Variants in ZNF350 observed in about 807,000 individuals in gnomAD.
ZNF350 encodes the protein zinc finger protein 350, also known as KRAB zinc finger protein ZFQR.
Under a neutral mutation model 13.1 loss-of-function variants are expected in ZNF350, and 5 were observed. That is an observed-to-expected ratio of 0.38 (90% CI 0.20 to 0.80). The LOEUF (loss-of-function observed/expected upper bound fraction) is 0.80, where lower values mean the gene tolerates loss of function less well. Ranked by LOEUF, ZNF350 falls within the 30% of genes least tolerant of loss-of-function variation. The pLI is 0.43. For missense variants in ZNF350, 534 were observed against 644.2 expected (o/e 0.83, Z 1.85); for synonymous variants, 199 against 224.2 (o/e 0.89, Z 1.00).
chr19:51,968,711 A>G, intron 3 of ZNF350, 38 bp from the exon 4 acceptor site: 1 of 1,592,654 alleles, frequency 6.3e-7, no homozygotes, highest in Non-Finnish European at 8.6e-7. Flanking sequence ...AGACATATCA[A>G]ATTGGGCTGG....
Position 51,964,893 on chromosome 19 carries a change from C to T in ZNF350, c.1560G>A (p.Val520=), listed in dbSNP as rs1325581021. Residue 520 remains valine, a synonymous_variant, in exon 5 of 5, where the codon GTG becomes GTA. Coordinates refer to ENST00000243644, the MANE Select transcript of ZNF350 (RefSeq NM_021632.4). ...TAACATAAAATAAGACATAATTGAT[C>T]ACGGAAGGCACAACCACATTCACTG... is the stretch of plus-strand genomic sequence containing the variant. ...VNAVNVVVPS[V]INYVLFYVTE... is the part of the protein sequence containing the mutation. 6.2e-7 allele frequency: 1 copy of T among 1,612,876 alleles called. No individual in the cohort carries two copies.
In ZNF350 at chr19:51,974,398, GGTCT is replaced by G. The variant is rs781399080; in HGVS notation, c.-42_-39del. 1.2e-6 allele frequency: 2 copies of G among 1,612,560 alleles called. No homozygotes were observed. The highest frequency in any genetic ancestry group is 1.7e-6 in the Non-Finnish European group (2 of 1,179,064). On this transcript the variant is annotated 5_prime_UTR_variant, in exon 2 of 5. Coordinates refer to ENST00000243644, the MANE Select transcript of ZNF350 (RefSeq NM_021632.4). ...TTGGAAGACAGCATTCAACTGGGAT[GGTCT>G]GTCTTTGTATCTTCTGGCCTTCTCT...
Position 51,965,363 on chromosome 19 carries a change from G to A in ZNF350, c.1090C>T (p.His364Tyr). 3 of 1,614,100 alleles carry A rather than the reference G, an allele frequency of 1.9e-6. No individual in the cohort carries two copies. Among genetic ancestry groups the A allele is most frequent in the Non-Finnish European group, 2.5e-6 (3 of 1,179,982 alleles). ...TTCTCTCCTGTGTGAATTCTTTGAT[G>A]TTTAATGAGACCTGATTTCTGAGAA... is the stretch of plus-strand genomic sequence containing the variant. ...SCSQKSGLIK[H>Y]QRIHTGEKPF... The change falls in exon 5 of 5, where the codon CAT becomes TAT. Residue 364 changes from histidine to tyrosine, a missense_variant. His to Tyr is a moderately conservative substitution (Grantham distance 83). Transcript: ENST00000243644.
Position 51,976,380 on chromosome 19 carries a change from A to C in ZNF350, c.-171-1849T>G, listed in dbSNP as rs2082438. On this transcript the variant is annotated intron_variant, in intron 1 of 4. Transcript: ENST00000243644. This position sits in a 1 kb window ranked among gnomAD's most constrained non-coding sequence, Gnocchi z 4.5. ...TCATCTTTATTCCCGTGTTCACCCC[A>C]CTTTGTTTAGTCCACCTAGGTCCGT... 58,577 of 151,990 alleles carry C rather than the reference A, an allele frequency of 0.39. 13,311 individuals carry two copies. The highest frequency in any genetic ancestry group is 0.63 in the African/African-American group (26,163 of 41,400). 9.4% of individuals were successfully genotyped at this position (151,990 alleles called of 1,614,324 possible). A position where few individuals can be genotyped will look rare whatever the true frequency, so the allele number is the denominator to read the frequency against.
intron 2 of ZNF350, among the ~76,000 whole-genome samples, chr19:51,970,042 GAC>G (rs1303230230): frequency 6.8e-6 from 1 of 147,498 alleles, no homozygotes; most frequent in Non-Finnish European, 1.5e-5. Context: ...ACAGGCATGT[GAC>G]ACTACGCCTG....
At position 51,965,584 on chromosome 19, in the gene ZNF350, T is replaced by C. The variant is rs990168895; in HGVS notation, c.869A>G (p.Tyr290Cys). The C allele has an allele frequency of 1.9e-6, 3 of 1,614,130 alleles. No homozygotes were observed. Among genetic ancestry groups the C allele is most frequent in the Admixed American group, 1.7e-5 (1 of 60,014 alleles). Residue 290 changes from tyrosine to cysteine, a missense_variant, in exon 5 of 5, where the codon TAT becomes TGT. By Grantham distance (194) the Tyr-to-Cys change is radical. Coordinates refer to ENST00000243644, the MANE Select transcript of ZNF350 (RefSeq NM_021632.4). ...HQKTHTGEKP[Y>C]ICSECGKGFI... is the part of the protein sequence containing the mutation. Reference sequence around the variant, plus strand: ...GCCTTTTCCACATTCACTGCATATATAGGGTTTCTCTCCGGTATGTGTTTT... The same window carrying C: ...GCCTTTTCCACATTCACTGCATATACAGGGTTTCTCTCCGGTATGTGTTTT...
In ZNF350 at chr19:51,983,586, G is replaced by T. The variant is rs1377724732; in HGVS notation, c.-172+3184C>A. Among the ~76,000 whole-genome samples the T allele has an allele frequency of 3.3e-5, 5 of 152,166 alleles. No homozygotes were observed. In the South Asian group the frequency reaches 6.2e-4, roughly 19 times the overall value. On this transcript the variant is annotated intron_variant, in intron 1 of 4. Coordinates refer to ENST00000243644, the MANE Select transcript of ZNF350 (RefSeq NM_021632.4). Reference sequence around the variant, plus strand: ...GCAATACTACTCTTTACTACACTAAGATGTCTGTGTAAAGTCAAACATAAA... The same window carrying T: ...GCAATACTACTCTTTACTACACTAATATGTCTGTGTAAAGTCAAACATAAA...
rs8103682 is a variant in ZNF350, at chr19:51,976,784, C to G, written c.-171-2253G>C. 0.45 allele frequency: 69,037 copies of G among 152,130 alleles called. 20,628 individuals are homozygous for G. The highest frequency in any genetic ancestry group is 0.85 in the African/African-American group (35,372 of 41,518). The allele number at this position is 152,130 out of a possible 1,614,324, so 9.4% of individuals were successfully genotyped here. A position where few individuals can be genotyped will look rare whatever the true frequency, so the allele number is the denominator to read the frequency against. The stretch of plus-strand genomic sequence containing the variant: ...CAAAAGGTTATTACACATAACCCAT[C>G]GTTTCCACAGGCAGGCACTCTTGAT... On this transcript the variant is annotated intron_variant, in intron 1 of 4. Transcript: ENST00000243644. This position sits in a 1 kb window ranked among gnomAD's most constrained non-coding sequence, Gnocchi z 4.5.
chr19:51,970,952 A>T (rs1012505480), intron 2 of ZNF350, among the ~76,000 whole-genome samples: 3 of 152,272 alleles, frequency 2.0e-5, no homozygotes, highest in African/African-American at 7.2e-5. Context: ...GGAACAATAA[A>T]TGTAAGGTCC....
chr19:51,966,010 C>T lies in ZNF350; in HGVS notation c.443G>A (p.Gly148Asp). 1 of 1,614,062 alleles carries T rather than the reference C, an allele frequency of 6.2e-7. No homozygotes were observed. The highest frequency in any genetic ancestry group is 1.6e-4 in the Middle Eastern group (1 of 6,062). ...SNLTLVNQSK[G>D]YEIKNSVEFT... ...CTCAACAGAGTTCTTTATTTCATAG[C>T]CTTTGCTCTGGTTAACTAAAGTTAA... is the stretch of plus-strand genomic sequence containing the variant. Residue 148 changes from glycine (G) to aspartate (D), a missense_variant, in exon 5 of 5, where the codon GGC becomes GAC. Coordinates refer to ENST00000243644, the MANE Select transcript of ZNF350 (RefSeq NM_021632.4).
At chr19:51,980,001 C>T (rs536657612) in intron 1 of ZNF350, among the ~76,000 whole-genome samples, 1 of 152,290 alleles carries the variant, frequency 6.6e-6, no homozygotes, top group Admixed American at 6.5e-5. Context: ...TGAATGGCAA[C>T]ATCTGGATTG....
chr19:51,975,919 A>G (rs1469122124), intron 1 of ZNF350, among the ~76,000 whole-genome samples: 1 of 152,218 alleles, frequency 6.6e-6, no homozygotes, highest in Non-Finnish European at 1.5e-5. Flanking sequence ...TGACCAACTC[A>G]GCATTCCACT....
At chr19:51,979,780 G>A (rs2085989126) in intron 1 of ZNF350, among the ~76,000 whole-genome samples, 1 of 152,184 alleles carries the variant, frequency 6.6e-6, no homozygotes. Flanking sequence ...AGATGGAAAA[G>A]GTGAAAGTCA....
chr19:51,968,744 T>TA, intron 3 of ZNF350, 71 bp from the exon 4 acceptor site: 2 of 1,511,970 alleles, frequency 1.3e-6, no homozygotes, highest in East Asian at 4.5e-5. Context: ...GGAAGAATGT[T>TA]ACATTTCAAG....
At position 51,966,021 on chromosome 19, in the gene ZNF350, G is replaced by A. The variant is rs772375825; in HGVS notation, c.432C>T (p.Asn144=). 1.2e-6 allele frequency: 2 copies of A among 1,613,864 alleles called. No individual in the cohort carries two copies. Among genetic ancestry groups the A allele is most frequent in the Non-Finnish European group, 1.7e-6 (2 of 1,179,996 alleles). Reference sequence around the variant, plus strand: ...TCTTTATTTCATAGCCTTTGCTCTGGTTAACTAAAGTTAAATTGGATTTCA... The same window carrying A: ...TCTTTATTTCATAGCCTTTGCTCTGATTAACTAAAGTTAAATTGGATTTCA... ...KSLKSNLTLV[N]QSKGYEIKNS... The change falls in exon 5 of 5, where the codon AAC becomes AAT. Residue 144 remains asparagine (N), a synonymous_variant. Transcript: ENST00000243644.
chr19:51,968,638 A>C lies in ZNF350; in HGVS notation c.178T>G (p.Leu60Val). 1 of 1,614,072 alleles carries C rather than the reference A, an allele frequency of 6.2e-7. No homozygotes were observed. Among genetic ancestry groups the C allele is most frequent in the Non-Finnish European group, 8.5e-7 (1 of 1,179,992 alleles). The part of the protein sequence containing the change: ...QASKPDALFK[L>V]EQGEQLWTIE... ...GTCCACAGTTGTTCTCCTTGTTCCA[A>C]CTTGAAGAGTGCATCCGGTTTGCTG... The change falls in exon 4 of 5, where the codon TTG (leucine) becomes GTG (valine). Residue 60 changes from leucine to valine, a missense_variant. Coordinates refer to ENST00000243644, the MANE Select transcript of ZNF350 (RefSeq NM_021632.4).
In ZNF350 at chr19:51,965,453, T is replaced by G; in HGVS notation, c.1000A>C (p.Ile334Leu). ...CCTGTGTGAAATCTCTGATGTGCTA[T>G]GAGACACGTCTTCTGAATGAAGCCT... Reference protein sequence around the residue: ...GKGFIQKTCLIAHQRFHTGKT... With the variant: ...GKGFIQKTCLLAHQRFHTGKT... The change falls in exon 5 of 5, where the codon ATA becomes CTA. Residue 334 changes from isoleucine to leucine, a missense_variant. Ile to Leu is a conservative substitution (Grantham distance 5, BLOSUM62 2). Transcript: ENST00000243644. The G allele has an allele frequency of 6.2e-7, 1 of 1,614,154 alleles. No individual in the cohort carries two copies. The highest frequency in any genetic ancestry group is 8.5e-7 in the Non-Finnish European group (1 of 1,180,014).
chr19:51,984,984 G>A (rs2086134190), intron 1 of ZNF350, among the ~76,000 whole-genome samples: 2 of 152,122 alleles, frequency 1.3e-5, no homozygotes, highest in Non-Finnish European at 1.5e-5. Context: ...TAACTACAAT[G>A]ATAAATAATG....
At chr19:51,971,922 T>C (rs2085749869) in intron 2 of ZNF350, among the ~76,000 whole-genome samples, 1 of 152,128 alleles carries the variant, frequency 6.6e-6, no homozygotes, top group African/African-American at 2.4e-5. Context: ...CTTACCTCTA[T>C]TCAGAATATG....
Sources: allele counts gnomAD v4.1 joint callset (sites outside exome capture counted in the v4.1 genomes callset), GRCh38; gene constraint gnomAD v4.1.1; non-coding constraint Gnocchi (gnomAD v3.1); transcripts MANE v1.5; gene names NCBI Gene and HGNC (gene_info 2026-07-23, HGNC 2026-07-21).